Variants in SUMF1 observed in about 807,000 individuals in gnomAD.
SUMF1 encodes the protein sulfatase modifying factor 1.
A neutral mutation model predicts 47.6 loss-of-function variants in SUMF1; 48 were observed. That is an observed-to-expected ratio of 1.01 (90% CI 0.80 to 1.28). SUMF1 has a LOEUF of 1.28. SUMF1 is among the 50% of genes most tolerant of loss of function. The pLI, the probability that SUMF1 is intolerant of heterozygous loss-of-function variation, is 0.00. For synonymous variants in SUMF1, 230 were observed against 192.1 expected, an observed-to-expected ratio of 1.20 and a Z score of -1.63; for missense variants, 571 against 485.4, an observed-to-expected ratio of 1.18 and a Z score of -1.66.
chr3:4,172,019 T>C (rs1338267958), intron 8 of SUMF1, among the ~76,000 whole-genome samples: 1 of 152,128 alleles, frequency 6.6e-6, no homozygotes, highest in Admixed American at 6.5e-5. Context: ...GAAGGCAATA[T>C]GACGGGTTGA....
At chr3:4,404,811 T>TA (rs374935981) in intron 7 of SUMF1, among the ~76,000 whole-genome samples, 6 of 152,172 alleles carry the variant, frequency 3.9e-5, no homozygotes, top group African/African-American at 1.2e-4. Flanking sequence ...GTGAAGGTCT[T>TA]ATAGCAGCGA....
chr3:4,312,998 C>T lies in SUMF1; in HGVS notation c.1014+63332G>A, dbSNP rs148355144. Reference sequence around the variant, plus strand: ...GTCAAAACTCCCTGCCTCCCTGGCACTTGCTCCTGTCTCCGCCATGGAGAG... The same window carrying T: ...GTCAAAACTCCCTGCCTCCCTGGCATTTGCTCCTGTCTCCGCCATGGAGAG... On this transcript the variant is annotated intron_variant and NMD_transcript_variant, in intron 8 of 12. Transcript: ENST00000448413. The T allele has an allele frequency of 3.0e-5, 48 of 1,614,030 alleles. No individual in the cohort carries two copies. The African/African-American group carries it at 5.9e-4, about 20-fold the overall frequency.
chr3:4,179,806 C>A (rs923737344), intron 8 of SUMF1, among the ~76,000 whole-genome samples: 2 of 152,024 alleles, frequency 1.3e-5, no homozygotes, highest in African/African-American at 4.8e-5. Context: ...TGACAAAGGG[C>A]TAAGATCCAG....
At chr3:4,353,667 C>A (rs1275898568) in intron 8 of SUMF1, among the ~76,000 whole-genome samples, 1 of 152,046 alleles carries the variant, frequency 6.6e-6, no homozygotes, top group Non-Finnish European at 1.5e-5. Flanking sequence ...AAACAAACAA[C>A]ATCTTAATAT....
At chr3:4,305,051 T>G (rs1425024352) in intron 8 of SUMF1, among the ~76,000 whole-genome samples, 1 of 152,168 alleles carries the variant, frequency 6.6e-6, no homozygotes, top group African/African-American at 2.4e-5. Flanking sequence ...GTTGAGTTTG[T>G]CTGAAGACCT....
intron 8 of SUMF1, among the ~76,000 whole-genome samples, chr3:4,080,821 G>T (rs923669345): frequency 1.3e-5 from 2 of 152,034 alleles, no homozygotes; most frequent in Non-Finnish European, 2.9e-5. Context: ...CAAATTTCAC[G>T]AAGACTTTCC....
chr3:4,364,252 G>A (rs1320521937), intron 8 of SUMF1, among the ~76,000 whole-genome samples: 10 of 119,222 alleles, frequency 8.4e-5, no homozygotes, highest in African/African-American at 2.7e-4. Flanking sequence ...ATGAGTTAGG[G>A]AGGATTCCCT....
intron 6 of SUMF1, among the ~76,000 whole-genome samples, chr3:4,416,181 T>C (rs1019331982): frequency 1.3e-5 from 2 of 152,170 alleles, no homozygotes; most frequent in Admixed American, 6.6e-5. Context: ...TGGCCATATA[T>C]CTGAAACTCT....
intron 8 of SUMF1, among the ~76,000 whole-genome samples, chr3:4,215,100 A>C (rs1033372068): frequency 2.0e-5 from 3 of 152,170 alleles, no homozygotes; most frequent in African/African-American, 7.2e-5. Context: ...ACAAAAAAGG[A>C]AAATTTCAGG....
chr3:4,453,952 T>C (rs1478058030), intron 1 of SUMF1, among the ~76,000 whole-genome samples: 1 of 152,158 alleles, frequency 6.6e-6, no homozygotes, highest in Non-Finnish European at 1.5e-5. Flanking sequence ...TATGAGCCAT[T>C]GTGCCCAGCC....
In SUMF1 at chr3:4,312,677, G is replaced by A. The variant is rs78456620; in HGVS notation, c.1014+63653C>T. On this transcript the variant is annotated intron_variant and NMD_transcript_variant, in intron 8 of 12. Coordinates refer to the SUMF1 transcript ENST00000448413. ...TGATCACAGCACTGCACTCCAGCCT[G>A]TGCAACAGAGCAAGACCCTGTCTCT... Among the ~76,000 whole-genome samples, 12 of 147,180 alleles carry A rather than the reference G, an allele frequency of 8.2e-5. No homozygotes were observed. In the East Asian group the frequency reaches 2.4e-3, roughly 29 times the overall value.
At chr3:4,049,965 T>A (rs1695075796) in intron 9 of SUMF1, among the ~76,000 whole-genome samples, 1 of 151,840 alleles carries the variant, frequency 6.6e-6, no homozygotes, top group African/African-American at 2.4e-5. Flanking sequence ...CAGTAGCCAA[T>A]CTCCTCTCTG....
chr3:4,128,446 C>A (rs913990975), intron 8 of SUMF1, among the ~76,000 whole-genome samples: 9 of 152,146 alleles, frequency 5.9e-5, no homozygotes, highest in African/African-American at 2.2e-4. Flanking sequence ...CCTAACCAAT[C>A]CATGCTGCCA....
chr3:4,306,861 T>C (rs189801560), intron 8 of SUMF1, among the ~76,000 whole-genome samples: 181 of 152,348 alleles, frequency 1.2e-3, no homozygotes, highest in South Asian at 2.3e-3. Flanking sequence ...AATGTTCATA[T>C]TGGAAACAAG....
chr3:4,279,264 A>G (rs534272850), intron 8 of SUMF1, among the ~76,000 whole-genome samples: 1 of 152,308 alleles, frequency 6.6e-6, no homozygotes, highest in Non-Finnish European at 1.5e-5. Context: ...AGATATGTGA[A>G]GAAAATCATG....
rs373898298 is a variant in SUMF1 at position 4,383,885 on chromosome 3, A to G, written c.955-7496T>C. ...TGGCCTAACTCATGAGCTTGCAAAC[A>G]GAATAAAATTTCAGACTCTTCATAG... On this transcript the variant is annotated intron_variant, in intron 7 of 8. Transcript: ENST00000272902. Among the ~76,000 whole-genome samples the G allele has an allele frequency of 3.7e-4, 57 of 152,078 alleles. 1 individual carries two copies. Among genetic ancestry groups the G allele is most frequent in the African/African-American group, 1.3e-3 (54 of 41,554 alleles).
intron 8 of SUMF1, among the ~76,000 whole-genome samples, chr3:4,132,006 C>A (rs377334968): frequency 6.6e-5 from 10 of 152,244 alleles, no homozygotes; most frequent in African/African-American, 2.2e-4. Context: ...GGAGCAGAGA[C>A]CAACACTGAG....
intron 1 of SUMF1, among the ~76,000 whole-genome samples, chr3:4,453,963 C>G (rs74968258): frequency 1.3e-5 from 2 of 152,016 alleles, no homozygotes; most frequent in African/African-American, 4.8e-5. Flanking sequence ...GTGCCCAGCC[C>G]CACTTTTTTC....
At position 4,145,148 on chromosome 3, in the gene SUMF1, G is replaced by A. The variant is rs1027105690; in HGVS notation, c.1015-76403C>T. On this transcript the variant is annotated intron_variant and NMD_transcript_variant, in intron 8 of 12. Transcript: ENST00000448413. Reference sequence around the variant, plus strand: ...GCGGAGCTTGCAGTGAGCGGCCATCGCGCCACTGCACTCTAGCCTGGGCAA... The same window carrying A: ...GCGGAGCTTGCAGTGAGCGGCCATCACGCCACTGCACTCTAGCCTGGGCAA... 3.3e-4 allele frequency among the ~76,000 whole-genome samples: 48 copies of A among 143,320 alleles called. 1 individual carries two copies. Among genetic ancestry groups the A allele is most frequent in the African/African-American group, 1.3e-3 (48 of 38,220 alleles). The allele number at this position is 143,320 out of a possible 152,430, so 94.0% of individuals were successfully genotyped here.
Sources: gnomAD v4.1 joint callset for allele counts (sites outside exome capture counted in the v4.1 genomes callset) on GRCh38, gnomAD v4.1.1 for gene constraint, MANE v1.5 for transcripts, NCBI Gene and HGNC (gene_info 2026-07-23, HGNC 2026-07-21) for gene names.